CNTN5: variants seen among roughly 807,000 people sequenced by gnomAD.
The protein encoded by CNTN5 is contactin-5.
CNTN5 carries 77 observed loss-of-function variants against 129.1 expected under a neutral mutation model. That is an observed-to-expected ratio of 0.60 (90% CI 0.50 to 0.72). The LOEUF (loss-of-function observed/expected upper bound fraction) is 0.72. Ranked by LOEUF, CNTN5 falls within the 30% of genes least tolerant of loss-of-function variation. CNTN5 has a pLI of 0.00. For synonymous variants in CNTN5, 509 were observed against 465.6 expected (o/e 1.09, Z -1.20); for missense variants, 1,478 against 1,328.8 (o/e 1.11, Z -1.75).
chr11:100,299,530 G>A, intron 20 of CNTN5, 134 bp downstream of exon 20: 19 of 535,932 alleles, frequency 3.5e-5, no homozygotes, highest in South Asian at 8.5e-5. Flanking sequence ...TAAACTTTTT[G>A]GATATATATT....
At chr11:99,712,099 C>T (rs1419832227) in intron 3 of CNTN5, among the ~76,000 whole-genome samples, 1 of 152,120 alleles carries the variant, frequency 6.6e-6, no homozygotes, top group African/African-American at 2.4e-5. Flanking sequence ...CTCCCACCAA[C>T]AGTGTAAAGC....
chr11:99,839,840 A>AC (rs956032782), intron 4 of CNTN5, among the ~76,000 whole-genome samples: 6 of 152,052 alleles, frequency 3.9e-5, no homozygotes, highest in African/African-American at 1.4e-4. Flanking sequence ...AAGAAGATAA[A>AC]CCATTACACA....
At chr11:99,822,375 C>T (rs887608391) in intron 4 of CNTN5, among the ~76,000 whole-genome samples, 1 of 151,934 alleles carries the variant, frequency 6.6e-6, no homozygotes, top group Non-Finnish European at 1.5e-5. Flanking sequence ...GGAATGGATA[C>T]GTTGTATTAT....
At chr11:99,745,511 A>G (rs544024269) in intron 3 of CNTN5, among the ~76,000 whole-genome samples, 1 of 36,100 alleles carries the variant, frequency 2.8e-5, no homozygotes, top group South Asian at 1.7e-3. Context: ...GCCAGCTTAT[A>G]TGGCAGCCTT....
intron 2 of CNTN5, among the ~76,000 whole-genome samples, chr11:99,421,517 T>C (rs1942888011): frequency 6.6e-6 from 1 of 152,200 alleles, no homozygotes. Flanking sequence ...TTGAAACTAA[T>C]TTCATATCAA....
chr11:99,570,744 T>C (rs1458157892), intron 3 of CNTN5, among the ~76,000 whole-genome samples: 1 of 152,152 alleles, frequency 6.6e-6, no homozygotes, highest in African/African-American at 2.4e-5. Context: ...CTAATAGGAA[T>C]AATTCCCATA....
intron 1 of CNTN5, among the ~76,000 whole-genome samples, chr11:99,043,255 G>T (rs1864074532): frequency 6.6e-6 from 1 of 151,672 alleles, no homozygotes; most frequent in South Asian, 2.1e-4. Context: ...TCTAGCATTA[G>T]GTATATCTCC....
chr11:99,952,583 G>A lies in CNTN5; in HGVS notation c.674-4223G>A, dbSNP rs1950702829. Among the ~76,000 whole-genome samples the A allele has an allele frequency of 5.3e-5, 8 of 152,022 alleles. No homozygotes were observed. In the South Asian group the frequency reaches 1.7e-3, roughly 32 times the overall value. On this transcript the variant is annotated intron_variant, in intron 7 of 24. Coordinates refer to ENST00000524871, the MANE Select transcript of CNTN5 (RefSeq NM_014361.4). ...GTCTAACTCTATCATCCAGGCTGGA[G>A]CGCAGTGGCACAGTCACAGCTTATG... is the stretch of plus-strand genomic sequence containing the variant.
chr11:99,336,212 A>G (rs1316009970), intron 2 of CNTN5, among the ~76,000 whole-genome samples: 2 of 152,154 alleles, frequency 1.3e-5, no homozygotes, highest in African/African-American at 4.8e-5. Context: ...TAGGTATGAA[A>G]TTGTCAAATT....
intron 1 of CNTN5, among the ~76,000 whole-genome samples, chr11:99,143,097 T>C (rs1859602881): frequency 6.6e-6 from 1 of 152,020 alleles, no homozygotes; most frequent in East Asian, 1.9e-4. Flanking sequence ...TTCCTTCTGG[T>C]TGTGTCTACT....
chr11:99,482,048 A>T (rs574162564), intron 2 of CNTN5, among the ~76,000 whole-genome samples: 10 of 152,328 alleles, frequency 6.6e-5, no homozygotes, highest in Admixed American at 5.9e-4. Context: ...TGAGTCTGAA[A>T]TTCCCAGTGA....
At chr11:99,530,733 C>T (rs909393475) in intron 2 of CNTN5, among the ~76,000 whole-genome samples, 15 of 152,140 alleles carry the variant, frequency 9.9e-5, no homozygotes, top group South Asian at 4.1e-4. Flanking sequence ...ATAGTGAATA[C>T]GTCTCATGAG....
intron 2 of CNTN5, among the ~76,000 whole-genome samples, chr11:99,362,631 C>T (rs1423819406): frequency 1.3e-5 from 2 of 149,566 alleles, no homozygotes; most frequent in Non-Finnish European, 3.0e-5. Flanking sequence ...TCTTAAGCAT[C>T]CTTTTGGTGA....
intron 2 of CNTN5, among the ~76,000 whole-genome samples, chr11:99,474,517 C>A (rs2656160): frequency 0.2 from 30,313 of 151,852 alleles, 3,364 homozygotes; most frequent in Middle Eastern, 0.33. Flanking sequence ...AAAAAAAGCC[C>A]ATTTCGTTGT....
chr11:99,574,011 C>T (rs918178344), intron 3 of CNTN5, among the ~76,000 whole-genome samples: 11 of 152,018 alleles, frequency 7.2e-5, no homozygotes, highest in Non-Finnish European at 1.6e-4. Flanking sequence ...ACCCATCAAC[C>T]CGTCATCTAC....
At chr11:100,322,318 G>A (rs1348737347) in intron 21 of CNTN5, among the ~76,000 whole-genome samples, 2 of 151,976 alleles carry the variant, frequency 1.3e-5, no homozygotes, top group South Asian at 2.1e-4. Flanking sequence ...CGCCTCCTGG[G>A]TTCACGCCAT....
rs201321897 is a variant in CNTN5 at position 100,071,824 on chromosome 11, G to A, written c.1419G>A (p.Leu473=). The change falls in exon 12 of 25, where the codon CTG becomes CTA. Residue 473 remains leucine (L), a synonymous_variant. Transcript: ENST00000524871. ...GAGCCATTTACGCTAGTGCTGAGCT[G>A]AAGATTCTAGGTATGCAGTTTCTAA... is the stretch of plus-strand genomic sequence containing the variant. ...KYGAIYASAE[L]KILASAPTFA... 3 of 1,593,260 alleles carry A rather than the reference G, an allele frequency of 1.9e-6. No homozygotes were observed. Among genetic ancestry groups the A allele is most frequent in the South Asian group, 2.3e-5 (2 of 86,368 alleles).
chr11:99,776,583 C>T (rs1026236779), intron 3 of CNTN5, among the ~76,000 whole-genome samples: 1 of 151,158 alleles, frequency 6.6e-6, no homozygotes, highest in African/African-American at 2.4e-5. Flanking sequence ...CCATAACTTT[C>T]TCCGTCTCTG....
At chr11:99,629,090 A>G (rs1012186097) in intron 3 of CNTN5, among the ~76,000 whole-genome samples, 1 of 152,046 alleles carries the variant, frequency 6.6e-6, no homozygotes, top group Non-Finnish European at 1.5e-5. Flanking sequence ...AACAATAAAT[A>G]TGTTGGGTCA....
Sources: gnomAD v4.1 joint callset for allele counts (sites outside exome capture counted in the v4.1 genomes callset) on GRCh38, gnomAD v4.1.1 for gene constraint, MANE v1.5 for transcripts, NCBI Gene and HGNC (gene_info 2026-07-23, HGNC 2026-07-21) for gene names.